VCL: variants seen among roughly 807,000 people sequenced by gnomAD.
The protein encoded by VCL is epididymis luminal protein 114.
A neutral mutation model predicts 125.7 loss-of-function variants in VCL; 47 were observed. The ratio of observed to expected loss-of-function variants is 0.37; its 90% CI spans 0.30 to 0.48. VCL has a LOEUF of 0.48. Among genes scored for constraint, VCL ranks in the 20% least tolerant of loss-of-function variants. The pLI, the probability that VCL is intolerant of heterozygous loss-of-function variation, is 0.99. For missense variants in VCL, 1,069 were observed against 1,455.5 expected, an observed-to-expected ratio of 0.73 and a Z score of 4.32; for synonymous variants, 458 against 514.6, an observed-to-expected ratio of 0.89 and a Z score of 1.49.
At chr10:74,078,172 T>C (rs1839621599) in intron 6 of VCL, among the ~76,000 whole-genome samples, 1 of 152,188 alleles carries the variant, frequency 6.6e-6, no homozygotes, top group South Asian at 2.1e-4. Context: ...CTTTGAACCC[T>C]ACATAGGCAC....
At chr10:74,025,892 A>T (rs1840762872) in intron 1 of VCL, among the ~76,000 whole-genome samples, 1 of 152,176 alleles carries the variant, frequency 6.6e-6, no homozygotes, top group Non-Finnish European at 1.5e-5. Context: ...AGGCAAAAGA[A>T]AGAGAAGAGC....
intron 1 of VCL, among the ~76,000 whole-genome samples, chr10:74,014,253 A>C (rs1440305028): frequency 6.6e-6 from 1 of 152,010 alleles, no homozygotes; most frequent in East Asian, 1.9e-4. Flanking sequence ...TTTTTTGGAG[A>C]CAGGGTCTCA....
At chr10:74,037,005 G>A (rs1274075857) in intron 1 of VCL, among the ~76,000 whole-genome samples, 2 of 151,830 alleles carry the variant, frequency 1.3e-5, no homozygotes, top group South Asian at 2.1e-4. Flanking sequence ...CTGCCTCCCG[G>A]GTTCGCGCCA....
chr10:74,006,837 A>T (rs940390925), intron 1 of VCL, among the ~76,000 whole-genome samples: 2 of 152,218 alleles, frequency 1.3e-5, no homozygotes, highest in South Asian at 2.1e-4. Flanking sequence ...AATCCAAAAA[A>T]ATCTGAAATA....
chr10:74,086,305 G>C (rs545233003), intron 8 of VCL, among the ~76,000 whole-genome samples: 1 of 152,278 alleles, frequency 6.6e-6, no homozygotes, highest in Admixed American at 6.5e-5. Context: ...ATTTCTAGAG[G>C]TTCCTGGATT....
At chr10:74,001,384 C>T (rs1428881111) in intron 1 of VCL, among the ~76,000 whole-genome samples, 1 of 152,118 alleles carries the variant, frequency 6.6e-6, no homozygotes, top group East Asian at 1.9e-4. Context: ...AGGCTGGTCT[C>T]GAATCCCTGG....
At chr10:74,043,268 G>T in intron 2 of VCL, 115 bp downstream of exon 2, 1 of 954,422 alleles carries the variant, frequency 1.0e-6, no homozygotes, top group Non-Finnish European at 1.6e-6. Flanking sequence ...GTTTACAATT[G>T]AAATTTCAAC....
chr10:74,026,633 T>C (rs1321737802), intron 1 of VCL, among the ~76,000 whole-genome samples: 2 of 152,366 alleles, frequency 1.3e-5, no homozygotes, highest in South Asian at 2.1e-4. Context: ...TTAGCCCTTG[T>C]TATCTACCAG....
At chr10:74,081,720 C>T (rs1839676890) in intron 6 of VCL, among the ~76,000 whole-genome samples, 1 of 152,074 alleles carries the variant, frequency 6.6e-6, no homozygotes, top group Admixed American at 6.5e-5. Context: ...AGATTTTATG[C>T]TAGTTTCCTG....
At chr10:74,001,210 T>TACC (rs1840217771) in intron 1 of VCL, among the ~76,000 whole-genome samples, 1 of 152,208 alleles carries the variant, frequency 6.6e-6, no homozygotes, top group South Asian at 2.1e-4. Context: ...CCAGAGGACC[T>TACC]ACCCATTGCT....
At chr10:74,084,682 G>A (rs994295933) in intron 8 of VCL, among the ~76,000 whole-genome samples, 3 of 151,830 alleles carry the variant, frequency 2.0e-5, no homozygotes, top group Non-Finnish European at 4.4e-5. Flanking sequence ...GCGCGATCTC[G>A]GCTCACTGCA....
chr10:74,093,037 C>T (rs913641739), intron 10 of VCL, among the ~76,000 whole-genome samples: 2 of 152,184 alleles, frequency 1.3e-5, no homozygotes, highest in Non-Finnish European at 2.9e-5. Flanking sequence ...TGGCTCACGC[C>T]TGTAATCCTA....
At chr10:74,107,824 A>T (rs1410471388) in intron 17 of VCL, among the ~76,000 whole-genome samples, 1 of 151,990 alleles carries the variant, frequency 6.6e-6, no homozygotes, top group Non-Finnish European at 1.5e-5. Context: ...ATTTTTCCCT[A>T]ACTATAATTT....
At chr10:74,059,606 C>G (rs1016299621) in intron 2 of VCL, among the ~76,000 whole-genome samples, 1 of 151,972 alleles carries the variant, frequency 6.6e-6, no homozygotes, top group Non-Finnish European at 1.5e-5. Context: ...GGGGTTTCAC[C>G]ATGTTGGTCA....
At chr10:74,075,889 T>G (rs1839578292) in intron 6 of VCL, 1 of 152,688 alleles carries the variant, frequency 6.5e-6, no homozygotes, top group African/African-American at 2.4e-5. Context: ...GTAAGTTAGC[T>G]TATTTTAACT....
intron 2 of VCL, among the ~76,000 whole-genome samples, chr10:74,051,377 C>T (rs1464394404): frequency 6.6e-6 from 1 of 152,102 alleles, no homozygotes; most frequent in Non-Finnish European, 1.5e-5. Flanking sequence ...GCTGGGACTA[C>T]AGGCACGCAC....
chr10:74,085,038 T>C (rs1216291821), intron 8 of VCL, among the ~76,000 whole-genome samples: 1 of 152,206 alleles, frequency 6.6e-6, no homozygotes, highest in Non-Finnish European at 1.5e-5. Flanking sequence ...GCCTCCTGAG[T>C]AGATAGAACT....
In VCL at chr10:74,005,227, C is replaced by A. The variant is rs1260509192; in HGVS notation, c.168+6852C>A. On this transcript the variant is annotated intron_variant, in intron 1 of 21. Coordinates refer to ENST00000211998, the MANE Select transcript of VCL (RefSeq NM_014000.3). ...AGAGATGTAAGAACGAGACAGATATCTATATCTATAGATAGATATATGTAT... is the reference window on the plus strand; with the variant it reads ...AGAGATGTAAGAACGAGACAGATATATATATCTATAGATAGATATATGTAT... The A allele has an allele frequency of 2.6e-5, 4 of 152,018 alleles. No individual in the cohort carries two copies. In the East Asian group the frequency reaches 5.8e-4, roughly 22 times the overall value. The allele number at this position is 152,018 out of a possible 1,614,324, so 9.4% of individuals were successfully genotyped here.
chr10:74,033,536 A>G (rs959930553), intron 1 of VCL, among the ~76,000 whole-genome samples: 7 of 152,156 alleles, frequency 4.6e-5, no homozygotes, highest in Admixed American at 1.3e-4. Flanking sequence ...TCTGGCTTTT[A>G]TGACAGAGTT....
Sources: gnomAD v4.1 joint callset for allele counts (sites outside exome capture counted in the v4.1 genomes callset) on GRCh38, gnomAD v4.1.1 for gene constraint, MANE v1.5 for transcripts, NCBI Gene and HGNC (gene_info 2026-07-23, HGNC 2026-07-21) for gene names.